Variants in SENP2 observed in about 807,000 individuals in gnomAD.
SENP2 encodes the protein SUMO specific peptidase 2.
SENP2 carries 16 observed loss-of-function variants against 86.3 expected under a neutral mutation model. That is an observed-to-expected ratio of 0.19 (90% CI 0.13 to 0.28). The LOEUF (loss-of-function observed/expected upper bound fraction) is 0.28, where lower values mean the gene tolerates loss of function less well. SENP2 is among the 10% of genes least tolerant of loss of function. SENP2 has a pLI of 1.00. For synonymous variants in SENP2, 222 were observed against 238.7 expected, an observed-to-expected ratio of 0.93 and a Z score of 0.64; for missense variants, 552 against 703.0, an observed-to-expected ratio of 0.79 and a Z score of 2.43.
chr3:185,621,156 CAAAAA>C (rs1206042436), intron 13 of SENP2, among the ~76,000 whole-genome samples: 5 of 39,054 alleles, frequency 1.3e-4, no homozygotes, highest in South Asian at 3.4e-3. Flanking sequence ...GATCTTGTCT[CAAAAA>C]AAAAAAAAAA....
chr3:185,612,405 A>C, intron 8 of SENP2: 1 of 490,020 alleles, frequency 2.0e-6, no homozygotes, highest in South Asian at 3.4e-5. Flanking sequence ...GTTTATAGTA[A>C]AGATTATATT....
At chr3:185,593,384 G>A (rs982097833) in intron 2 of SENP2, among the ~76,000 whole-genome samples, 1 of 151,748 alleles carries the variant, frequency 6.6e-6, no homozygotes, top group African/African-American at 2.4e-5. Flanking sequence ...AAAATGTTGG[G>A]ATTACAGGCG....
chr3:185,606,299 T>C (rs558962045), intron 5 of SENP2, 31 bp from the exon 6 acceptor site: 20 of 1,566,750 alleles, frequency 1.3e-5, no homozygotes, highest in Non-Finnish European at 1.6e-5. Flanking sequence ...AGCTTGGTGA[T>C]ACTTTTTTTC....
At chr3:185,611,261 T>C (rs866663061) in intron 7 of SENP2, among the ~76,000 whole-genome samples, 10 of 152,164 alleles carry the variant, frequency 6.6e-5, no homozygotes, top group Admixed American at 2.0e-4. Context: ...TGGGCGACAG[T>C]GCGAGACTCC....
At chr3:185,596,666 C>A (rs36066570) in intron 2 of SENP2, among the ~76,000 whole-genome samples, 57,692 of 151,270 alleles carry the variant, frequency 0.38, 11,228 homozygotes, top group South Asian at 0.56. Flanking sequence ...CTTAGCCAAG[C>A]TATAATACGG....
chr3:185,600,672 A>T, intron 4 of SENP2, 93 bp from the exon 5 acceptor site: 1 of 764,774 alleles, frequency 1.3e-6, no homozygotes, highest in Non-Finnish European at 2.3e-6. Flanking sequence ...TAGCTCTATG[A>T]TGTAGGTTGC....
At position 185,631,884 on chromosome 3, in the gene SENP2, T is replaced by G. The variant is rs1214414863; in HGVS notation, c.*2040T>G. Reference sequence around the variant, plus strand: ...GCTTAATGTATTATTTTGAGGGGCTTCTTCAGAGCAGTTCTCACTGAGCTT... The same window carrying G: ...GCTTAATGTATTATTTTGAGGGGCTGCTTCAGAGCAGTTCTCACTGAGCTT... On this transcript the variant is annotated 3_prime_UTR_variant, in exon 17 of 17. Coordinates refer to ENST00000296257, the MANE Select transcript of SENP2 (RefSeq NM_021627.3). The G allele has an allele frequency of 6.6e-6, 1 of 151,348 alleles. No homozygotes were observed. 9.4% of individuals were successfully genotyped at this position (151,348 alleles called of 1,614,324 possible).
chr3:185,592,742 A>G (rs933114920), intron 2 of SENP2, among the ~76,000 whole-genome samples: 3 of 151,424 alleles, frequency 2.0e-5, no homozygotes, highest in Admixed American at 6.6e-5. Context: ...TCAGCTTCCC[A>G]AGTAGCTGGG....
chr3:185,588,258 C>T (rs1721864799), intron 1 of SENP2, among the ~76,000 whole-genome samples: 1 of 150,606 alleles, frequency 6.6e-6, no homozygotes, highest in African/African-American at 2.4e-5. Flanking sequence ...GGGGTTTCAC[C>T]GTGGTCTCGA....
At chr3:185,591,128 A>C (rs1470602158) in intron 2 of SENP2, among the ~76,000 whole-genome samples, 1 of 150,338 alleles carries the variant, frequency 6.7e-6, no homozygotes, top group Non-Finnish European at 1.5e-5. Flanking sequence ...GATGGTCTCC[A>C]TCTCCTGACC....
intron 2 of SENP2, among the ~76,000 whole-genome samples, chr3:185,596,068 C>G (rs558117668): frequency 2.0e-5 from 3 of 152,060 alleles, no homozygotes; most frequent in African/African-American, 4.8e-5. Flanking sequence ...TGGATTCAAA[C>G]GATTCTGCTG....
intron 2 of SENP2, 103 bp from the exon 3 acceptor site, chr3:185,598,309 A>T: frequency 7.9e-7 from 1 of 1,267,834 alleles, no homozygotes; most frequent in Non-Finnish European, 1.1e-6. Context: ...CCCAGCAAAT[A>T]GAACTTTTGA....
intron 1 of SENP2, among the ~76,000 whole-genome samples, chr3:185,587,404 A>T (rs1341112946): frequency 6.6e-6 from 1 of 152,134 alleles, no homozygotes; most frequent in Non-Finnish European, 1.5e-5. Context: ...AAGTGCTGGG[A>T]CTGCAGGCAT....
intron 6 of SENP2, among the ~76,000 whole-genome samples, chr3:185,607,122 G>A (rs1211271836): frequency 3.3e-5 from 5 of 151,252 alleles, no homozygotes; most frequent in East Asian, 1.9e-4. Context: ...AAGTATGTAC[G>A]GTAACTAAAT....
intron 15 of SENP2, 117 bp downstream of exon 15, chr3:185,624,199 C>CT (rs5855069): frequency 1.3e-3 from 739 of 579,740 alleles, no homozygotes; most frequent in Non-Finnish European, 1.5e-3. Context: ...AAGTACACAT[C>CT]TTTTTTTTTC....
intron 2 of SENP2, among the ~76,000 whole-genome samples, chr3:185,593,623 A>C (rs989299247): frequency 5.3e-5 from 8 of 152,170 alleles, no homozygotes; most frequent in Non-Finnish European, 7.3e-5. Flanking sequence ...TCACACAGAA[A>C]ATCTTGATTT....
chr3:185,596,542 G>A (rs1277140854), intron 2 of SENP2, among the ~76,000 whole-genome samples: 1 of 151,626 alleles, frequency 6.6e-6, no homozygotes, highest in East Asian at 1.9e-4. Context: ...GATCACTTGA[G>A]CCTGGGAGGT....
intron 2 of SENP2, 92 bp from the exon 3 acceptor site, chr3:185,598,320 T>TA (rs1442620548): frequency 7.3e-7 from 1 of 1,373,312 alleles, no homozygotes; most frequent in African/African-American, 1.4e-5. Context: ...GAACTTTTGA[T>TA]AAAAATTGAG....
intron 15 of SENP2, 81 bp from the exon 16 acceptor site, chr3:185,626,217 C>A: frequency 1.2e-6 from 1 of 850,394 alleles, no homozygotes; most frequent in Non-Finnish European, 1.9e-6. Flanking sequence ...TTGTTTACAG[C>A]AATATTTAGA....
Sources: gnomAD v4.1 joint callset for allele counts (sites outside exome capture counted in the v4.1 genomes callset) on GRCh38, gnomAD v4.1.1 for gene constraint, MANE v1.5 for transcripts, NCBI Gene and HGNC (gene_info 2026-07-23, HGNC 2026-07-21) for gene names.